CDIN1: variants seen among roughly 807,000 people sequenced by gnomAD.
CDIN1 encodes CDAN1-interacting nuclease 1.
Under a neutral mutation model 45.3 loss-of-function variants are expected in CDIN1, and 33 were observed. The observed-to-expected ratio is 0.73, with a 90% CI of 0.55 to 0.97. CDIN1 has a LOEUF of 0.97. Among genes scored for constraint, CDIN1 ranks in the 50% least tolerant of loss-of-function variants. CDIN1 has a pLI of 0.00. For synonymous variants in CDIN1, 118 were observed against 124.4 expected, an observed-to-expected ratio of 0.95 and a Z score of 0.34; for missense variants, 303 against 339.4, an observed-to-expected ratio of 0.89 and a Z score of 0.84.
intron 5 of CDIN1, among the ~76,000 whole-genome samples, chr15:36,688,544 C>A (rs571858477): frequency 7.4e-4 from 112 of 152,196 alleles, no homozygotes; most frequent in African/African-American, 2.6e-3. Context: ...TCATTGTAAT[C>A]CTGGAATGGC....
At chr15:36,789,930 G>A (rs1467611135) in intron 10 of CDIN1, among the ~76,000 whole-genome samples, 1 of 152,092 alleles carries the variant, frequency 6.6e-6, no homozygotes, top group Non-Finnish European at 1.5e-5. Context: ...GGTGGCTGTT[G>A]GTCTGTTTCA....
intron 10 of CDIN1, among the ~76,000 whole-genome samples, chr15:36,754,896 G>C (rs2053569472): frequency 6.6e-6 from 1 of 151,760 alleles, no homozygotes; most frequent in Non-Finnish European, 1.5e-5. Flanking sequence ...ATTTTTCTTT[G>C]ATTTTTCTAC....
intron 1 of CDIN1, among the ~76,000 whole-genome samples, chr15:36,607,207 T>A (rs915855089): frequency 3.9e-5 from 6 of 152,170 alleles, no homozygotes; most frequent in African/African-American, 1.4e-4. Context: ...TTTCCAGTCT[T>A]ATAATATCTT....
chr15:36,783,423 T>C (rs1303409083), intron 10 of CDIN1, among the ~76,000 whole-genome samples: 1 of 151,880 alleles, frequency 6.6e-6, no homozygotes, highest in Non-Finnish European at 1.5e-5. Context: ...TAATCCTCTC[T>C]TAAAAGCCTG....
At chr15:36,635,500 G>T (rs1455154386) in intron 1 of CDIN1, among the ~76,000 whole-genome samples, 1 of 152,046 alleles carries the variant, frequency 6.6e-6, no homozygotes, top group Non-Finnish European at 1.5e-5. Context: ...TGAGACTTGA[G>T]TATACACAAA....
chr15:36,593,713 G>A (rs1367838929), intron 1 of CDIN1, among the ~76,000 whole-genome samples: 1 of 152,016 alleles, frequency 6.6e-6, no homozygotes, highest in Non-Finnish European at 1.5e-5. Flanking sequence ...ACAGGCGCCC[G>A]CCACCACGAC....
intron 3 of CDIN1, among the ~76,000 whole-genome samples, chr15:36,646,347 T>C (rs570055062): frequency 6.6e-6 from 1 of 152,288 alleles, no homozygotes; most frequent in South Asian, 2.1e-4. Context: ...TTCACTGCTA[T>C]ATGTGGTAAA....
intron 10 of CDIN1, among the ~76,000 whole-genome samples, chr15:36,794,841 A>G (rs117514167): frequency 0.012 from 1,806 of 152,316 alleles, 84 homozygotes; most frequent in Admixed American, 0.085. Context: ...CTGCACCTCT[A>G]TGCAGCACTA....
intron 4 of CDIN1, 148 bp downstream of exon 4, chr15:36,654,306 A>G (rs2040692896): frequency 3.4e-6 from 2 of 594,326 alleles, no homozygotes; most frequent in South Asian, 4.5e-5. Context: ...ATCTCTTTGT[A>G]CTTTTAGTAA....
intron 1 of CDIN1, among the ~76,000 whole-genome samples, chr15:36,583,714 A>G (rs2037154744): frequency 2.0e-5 from 3 of 152,192 alleles, no homozygotes; most frequent in Non-Finnish European, 4.4e-5. Context: ...AACATCACCA[A>G]ACTTCTAAAT....
chr15:36,630,998 A>G (rs558062952), intron 1 of CDIN1, among the ~76,000 whole-genome samples: 5 of 152,308 alleles, frequency 3.3e-5, no homozygotes, highest in South Asian at 4.1e-4. Context: ...CCGGTAACCA[A>G]CCTTCAACAT....
rs564926579 is a variant in CDIN1 at position 36,611,450 on chromosome 15, G to A, written c.101+31489G>A. 1.5e-3 allele frequency among the ~76,000 whole-genome samples: 226 copies of A among 152,320 alleles called. 2 individuals carry two copies. Among genetic ancestry groups the A allele is most frequent in the Middle Eastern group, 6.8e-3 (2 of 294 alleles). Reference sequence around the variant, plus strand: ...CACCTATTTCAAGAGGCTTCCAAATGTGTAGCTATTTAATGTACATTGGTG... The same window carrying A: ...CACCTATTTCAAGAGGCTTCCAAATATGTAGCTATTTAATGTACATTGGTG... On this transcript the variant is annotated intron_variant, in intron 1 of 10. Transcript: ENST00000566621.
intron 5 of CDIN1, among the ~76,000 whole-genome samples, chr15:36,680,389 C>CT (rs1358409685): frequency 1.3e-5 from 2 of 152,248 alleles, no homozygotes; most frequent in African/African-American, 4.8e-5. Flanking sequence ...GAACTTATTA[C>CT]TAAAGGGCCT....
intron 1 of CDIN1, among the ~76,000 whole-genome samples, chr15:36,635,330 A>G (rs145219441): frequency 2.4e-4 from 36 of 152,308 alleles, no homozygotes; most frequent in Non-Finnish European, 4.3e-4. Context: ...TTCAAATGCA[A>G]TTGACCCTTG....
intron 10 of CDIN1, among the ~76,000 whole-genome samples, chr15:36,734,671 A>G (rs2043952003): frequency 6.6e-6 from 1 of 152,162 alleles, no homozygotes. Context: ...CCAGACACCA[A>G]ATATATTCAT....
intron 3 of CDIN1, among the ~76,000 whole-genome samples, chr15:36,652,761 C>A (rs545275643): frequency 1.3e-5 from 2 of 152,164 alleles, no homozygotes; most frequent in East Asian, 3.9e-4. Context: ...TGCTGTTACC[C>A]CACTTTGCTT....
intron 10 of CDIN1, among the ~76,000 whole-genome samples, chr15:36,783,902 A>T (rs778728758): frequency 4.6e-5 from 7 of 152,190 alleles, no homozygotes; most frequent in Non-Finnish European, 8.8e-5. Context: ...ATCAGCAAGT[A>T]ACTCTAAATG....
At chr15:36,659,066 A>G (rs142588100) in intron 5 of CDIN1, among the ~76,000 whole-genome samples, 1 of 152,320 alleles carries the variant, frequency 6.6e-6, no homozygotes, top group East Asian at 1.9e-4. Flanking sequence ...CAGCACCGCC[A>G]TTTGTCAAAG....
In CDIN1 at chr15:36,644,262, CTTTTA is replaced by C; in HGVS notation, c.102-12_102-8del. 1 of 1,613,026 alleles carries C rather than the reference CTTTTA, an allele frequency of 6.2e-7. No homozygotes were observed. The highest frequency in any genetic ancestry group is 8.5e-7 in the Non-Finnish European group (1 of 1,179,356). On this transcript the variant is annotated splice_polypyrimidine_tract_variant and intron_variant, in intron 1 of 10. Coordinates refer to ENST00000566621, the MANE Select transcript of CDIN1 (RefSeq NM_001321759.2). ...CACTCCAGTAATTAACTTTGTCCTTCTTTTATTTGTTCCAGTCAATCGCAGGCCAC... is the reference window on the plus strand; with the variant it reads ...CACTCCAGTAATTAACTTTGTCCTTCTTTGTTCCAGTCAATCGCAGGCCAC...
Sources: allele counts gnomAD v4.1 joint callset (sites outside exome capture counted in the v4.1 genomes callset), GRCh38; gene constraint gnomAD v4.1.1; transcripts MANE v1.5; gene names NCBI Gene and HGNC (gene_info 2026-07-23, HGNC 2026-07-21).